Variants in SIGLEC8 observed in about 807,000 individuals in gnomAD.
The protein encoded by SIGLEC8 is sialic acid-binding Ig-like lectin 8.
Under a neutral mutation model 42.1 loss-of-function variants are expected in SIGLEC8, and 32 were observed. The observed-to-expected ratio is 0.76, with a 90% CI of 0.57 to 1.02. SIGLEC8 has a LOEUF of 1.02. Ranked by LOEUF, SIGLEC8 falls within the 50% of genes least tolerant of loss-of-function variation. The pLI is 0.00. For missense variants in SIGLEC8, 611 were observed against 610.2 expected (o/e 1.00, Z -0.01); for synonymous variants, 262 against 260.3 (o/e 1.01, Z -0.06).
chr19:51,452,568 G>A lies in SIGLEC8; in HGVS notation c.1311C>T (p.Pro437=), dbSNP rs745510103. Residue 437 remains proline, a synonymous_variant, in exon 7 of 7, where the codon CCC becomes CCT. Coordinates refer to ENST00000321424, the MANE Select transcript of SIGLEC8 (RefSeq NM_014442.3). ...PLKKPPPAVA[P]SSGEEGELHY... ...GGAGCTCTCCTTCCTCCCCTGACGA[G>A]GGGGCAACAGCTGGGGGAGGCTTCT... The A allele has an allele frequency of 2.5e-6, 4 of 1,586,332 alleles. No individual in the cohort carries two copies. Among genetic ancestry groups the A allele is most frequent in the Non-Finnish European group, 2.6e-6 (3 of 1,159,480 alleles).
intron 6 of SIGLEC8, chr19:51,453,742 T>A (rs1989423555): frequency 1.0e-6 from 1 of 983,372 alleles, no homozygotes; most frequent in Non-Finnish European, 1.2e-6. Flanking sequence ...TAAATTATGA[T>A]ACAACGGGCA....
chr19:51,453,834 G>A (rs967094711), intron 6 of SIGLEC8: 5 of 985,198 alleles, frequency 5.1e-6, no homozygotes, highest in South Asian at 9.4e-5. Flanking sequence ...GGTTAGTGGC[G>A]TAAGGATGAC....
Position 51,451,543 on chromosome 19 carries a change from G to C in SIGLEC8, c.*836C>G, listed in dbSNP as rs999157170. On this transcript the variant is annotated 3_prime_UTR_variant, in exon 7 of 7. Coordinates refer to ENST00000321424, the MANE Select transcript of SIGLEC8 (RefSeq NM_014442.3). ...GGGGTGCCCAGCCTGCTGATTGCTT[G>C]ACTCAGTGCTAGATGAGAGAAGAGA... 2.6e-5 allele frequency: 4 copies of C among 152,094 alleles called. No homozygotes were observed. Among genetic ancestry groups the C allele is most frequent in the Admixed American group, 1.3e-4 (2 of 15,260 alleles). The allele number at this position is 152,094 out of a possible 1,614,324, so 9.4% of individuals were successfully genotyped here. A position where few individuals can be genotyped will look rare whatever the true frequency, so the allele number is the denominator to read the frequency against.
rs778078880 is a variant in SIGLEC8 at position 51,457,495 on chromosome 19, C to A, written c.699G>T (p.Val233=). ...TCQVTLPGTG[V]TTTSTVRLDV... is the part of the protein sequence containing the mutation. ...CGAGGCGGACGGTACTGGTCGTGGT[C>A]ACACCTGTCCCAGGCAAGGTCACCT... Residue 233 remains valine (V), a synonymous_variant, in exon 2 of 7, where the codon GTG becomes GTT. Transcript: ENST00000321424. The A allele has an allele frequency of 6.2e-7, 1 of 1,613,854 alleles. No homozygotes were observed. The highest frequency in any genetic ancestry group is 1.1e-5 in the South Asian group (1 of 91,050).
Position 51,457,115 on chromosome 19 carries a change from G to A in SIGLEC8, c.781+69C>T, listed in dbSNP as rs536146073. On this transcript the variant is annotated intron_variant, in intron 3 of 6. Transcript: ENST00000321424. ...TTTCCCAAAGTGATTCCAGGATGAG[G>A]AGAGACCCAGCCCCATCCTGAGCTG... The A allele has an allele frequency of 9.4e-6, 13 of 1,379,054 alleles. No individual in the cohort carries two copies. The South Asian group carries it at 1.4e-4, about 15-fold the overall frequency. The allele number at this position is 1,379,054 out of a possible 1,614,324, so 85.4% of individuals were successfully genotyped here. A position where few individuals can be genotyped will look rare whatever the true frequency, so the allele number is the denominator to read the frequency against.
In SIGLEC8 at chr19:51,458,334, C is replaced by G. The variant is rs748741030; in HGVS notation, c.54G>C (p.Glu18Asp). ...AACCATCCCCATATTGTCTGTCTCC[C>G]TCCATCCCCTTTGTCCCCCAGAGCA... ...LPLLWGTKGMEGDRQYGDGYL... is the reference protein window; with the variant it reads ...LPLLWGTKGMDGDRQYGDGYL... The change falls in exon 1 of 7, where the codon GAG (glutamate) becomes GAC (aspartate). Residue 18 changes from glutamate to aspartate, a missense_variant. By Grantham distance (45) the Glu-to-Asp change is conservative (BLOSUM62 2). Transcript: ENST00000321424. 8.1e-6 allele frequency: 13 copies of G among 1,614,110 alleles called. No individual in the cohort carries two copies. The highest frequency in any genetic ancestry group is 1.1e-5 in the Non-Finnish European group (13 of 1,179,984).
intron 3 of SIGLEC8, among the ~76,000 whole-genome samples, chr19:51,456,717 G>A (rs1448261352): frequency 6.6e-6 from 1 of 152,180 alleles, no homozygotes; most frequent in Non-Finnish European, 1.5e-5. Context: ...GTTCCGTGGA[G>A]GGGGATGGGC....
chr19:51,456,213 T>TATA (rs368300815), intron 3 of SIGLEC8, among the ~76,000 whole-genome samples: 118 of 150,708 alleles, frequency 7.8e-4, no homozygotes, highest in Middle Eastern at 6.9e-3. Context: ...AAACTTAAAG[T>TATA]ATAATAATAA....
chr19:51,458,285 C>T lies in SIGLEC8; in HGVS notation c.103G>A (p.Val35Met). The T allele has an allele frequency of 2.5e-6, 4 of 1,614,124 alleles. No homozygotes were observed. The highest frequency in any genetic ancestry group is 1.3e-5 in the African/African-American group (1 of 75,028). Residue 35 changes from valine to methionine, a missense_variant, in exon 1 of 7, where the codon GTG (valine) becomes ATG (methionine). Coordinates refer to ENST00000321424, the MANE Select transcript of SIGLEC8 (RefSeq NM_014442.3). Reference sequence around the variant, plus strand: ...ACACACAGGCCCTCCTGCACCGTCACCAGCTCCTGCACTTGCAGCAAGTAA... The same window carrying T: ...ACACACAGGCCCTCCTGCACCGTCATCAGCTCCTGCACTTGCAGCAAGTAA... ...DGYLLQVQEL[V>M]TVQEGLCVHV...
Position 51,457,475 on chromosome 19 carries a change from C to T in SIGLEC8, c.719G>A (p.Arg240His), listed in dbSNP as rs370112420. 87 of 1,613,696 alleles carry T rather than the reference C, an allele frequency of 5.4e-5. 1 individual carries two copies. Among genetic ancestry groups the T allele is most frequent in the Middle Eastern group, 1.8e-4 (1 of 5,714 alleles). Reference sequence around the variant, plus strand: ...CCAGCACTCACAGGACACATCGAGGCGGACGGTACTGGTCGTGGTCACACC... The same window carrying T: ...CCAGCACTCACAGGACACATCGAGGTGGACGGTACTGGTCGTGGTCACACC... ...GTGVTTTSTV[R>H]LDVSYPPWNL... The change falls in exon 2 of 7, where the codon CGC (arginine) becomes CAC (histidine). Residue 240 changes from arginine to histidine, a missense_variant. Physicochemically the swap from Arg to His is conservative, Grantham distance 29 (BLOSUM62 0). Transcript: ENST00000321424.
In SIGLEC8 at chr19:51,454,097, T is replaced by C. The variant is rs1989431394; in HGVS notation, c.1245+122A>G. On this transcript the variant is annotated intron_variant, in intron 6 of 6. Coordinates refer to ENST00000321424, the MANE Select transcript of SIGLEC8 (RefSeq NM_014442.3). The surrounding 1 kb of genome is among the most constrained non-coding windows in gnomAD (Gnocchi z 4.7). The stretch of plus-strand genomic sequence containing the variant: ...TGGGGGAGTCCTGTAGAAGCCGGCC[T>C]GTGGGAAGGAGGAGGAGACGAGGAA... The C allele has an allele frequency of 2.7e-6, 4 of 1,505,430 alleles. No individual in the cohort carries two copies. Among genetic ancestry groups the C allele is most frequent in the Non-Finnish European group, 3.5e-6 (4 of 1,129,214 alleles). The allele number at this position is 1,505,430 out of a possible 1,614,324, so 93.3% of individuals were successfully genotyped here.
In SIGLEC8 at chr19:51,455,516, A is replaced by G; in HGVS notation, c.953T>C (p.Val318Ala). Residue 318 changes from valine to alanine, a missense_variant, in exon 4 of 7, where the codon GTG becomes GCG. Val to Ala is a moderately conservative substitution (Grantham distance 64, BLOSUM62 0). Coordinates refer to ENST00000321424, the MANE Select transcript of SIGLEC8 (RefSeq NM_014442.3). ...GAATTCCCCTTCATCCCTCACGTGCACTCGAGGCAGCTCCAGCAGCCCAGG... is the reference window on the plus strand; with the variant it reads ...GAATTCCCCTTCATCCCTCACGTGCGCTCGAGGCAGCTCCAGCAGCCCAGG... ...SNPGLLELPR[V>A]HVRDEGEFTC... 1.9e-6 allele frequency: 3 copies of G among 1,614,056 alleles called. No individual in the cohort carries two copies. Among genetic ancestry groups the G allele is most frequent in the Non-Finnish European group, 2.5e-6 (3 of 1,179,974 alleles).
chr19:51,457,213 G>A lies in SIGLEC8; in HGVS notation c.752C>T (p.Thr251Ile), dbSNP rs116577749. 9.9e-4 allele frequency: 1,603 copies of A among 1,613,834 alleles called. 16 individuals carry two copies. In the African/African-American group the frequency reaches 0.017, roughly 17 times the overall value. ...GGCATCTCCTTGGAAGACAGTCATGGTCAAGTTCCAAGGAGGGTCTGGGAC... is the reference window on the plus strand; with the variant it reads ...GGCATCTCCTTGGAAGACAGTCATGATCAAGTTCCAAGGAGGGTCTGGGAC... ...LDVSYPPWNL[T>I]MTVFQGDATA... The change falls in exon 3 of 7, where the codon ACC (threonine) becomes ATC (isoleucine). Residue 251 changes from threonine to isoleucine, a missense_variant. Transcript: ENST00000321424.
In SIGLEC8 at chr19:51,457,450, C is replaced by T. The variant is rs1284451962; in HGVS notation, c.733+11G>A. 1.2e-6 allele frequency: 2 copies of T among 1,613,308 alleles called. No individual in the cohort carries two copies. Among genetic ancestry groups the T allele is most frequent in the Non-Finnish European group, 1.7e-6 (2 of 1,179,940 alleles). ...CCATGAGGGACCTGGGCATCTTGGT[C>T]CAGCACTCACAGGACACATCGAGGC... On this transcript the variant is annotated intron_variant, in intron 2 of 6. Coordinates refer to ENST00000321424, the MANE Select transcript of SIGLEC8 (RefSeq NM_014442.3).
rs751266419 is a variant in SIGLEC8 at position 51,457,568 on chromosome 19, A to G, written c.626T>C (p.Leu209Pro). Residue 209 changes from leucine (L) to proline (P), a missense_variant, in exon 2 of 7, where the codon CTC becomes CCC. Physicochemically the swap from Leu to Pro is moderately conservative, Grantham distance 98. Coordinates refer to ENST00000321424, the MANE Select transcript of SIGLEC8 (RefSeq NM_014442.3). ...PGPTTARSSV[L>P]TLTPKPQDHG... is the part of the protein sequence containing the mutation. The stretch of plus-strand genomic sequence containing the variant: ...GTCCTGGGGCTTTGGGGTAAGGGTG[A>G]GCACTGAGGAGCGGGCAGTAGTGGG... 96 of 1,613,704 alleles carry G rather than the reference A, an allele frequency of 5.9e-5. No individual in the cohort carries two copies. The highest frequency in any genetic ancestry group is 8.1e-5 in the Non-Finnish European group (96 of 1,179,916).
chr19:51,454,363 C>T lies in SIGLEC8; in HGVS notation c.1149-48G>A. 2 of 1,611,996 alleles carry T rather than the reference C, an allele frequency of 1.2e-6. No homozygotes were observed. Among genetic ancestry groups the T allele is most frequent in the Non-Finnish European group, 1.7e-6 (2 of 1,179,876 alleles). On this transcript the variant is annotated intron_variant, in intron 5 of 6. Coordinates refer to ENST00000321424, the MANE Select transcript of SIGLEC8 (RefSeq NM_014442.3). The surrounding 1 kb of genome is among the most constrained non-coding windows in gnomAD (Gnocchi z 4.7). ...CTTTCAGTGTGGTCAGATCGGGGTG[C>T]AGTGGGCAGACCAACCCCTGCCCTG...
At position 51,457,180 on chromosome 19, in the gene SIGLEC8, C is replaced by T. The variant is rs778676168; in HGVS notation, c.781+4G>A. The T allele has an allele frequency of 3.1e-6, 5 of 1,613,714 alleles. No homozygotes were observed. The East Asian group carries it at 8.9e-5, about 29-fold the overall frequency. On this transcript the variant is annotated splice_donor_region_variant and intron_variant, in intron 3 of 6. Transcript: ENST00000321424. Reference sequence around the variant, plus strand: ...CCAACCCCAGGGAGGGGGCTCTGTCCTACCTGTGGCATCTCCTTGGAAGAC... The same window carrying T: ...CCAACCCCAGGGAGGGGGCTCTGTCTTACCTGTGGCATCTCCTTGGAAGAC...
intron 6 of SIGLEC8, chr19:51,453,804 C>T (rs887129559): frequency 1.1e-5 from 11 of 985,164 alleles, no homozygotes; most frequent in Non-Finnish European, 1.3e-5. Context: ...GACATGATAC[C>T]TGACCTGGGG....
Position 51,454,368 on chromosome 19 carries a change from G to A in SIGLEC8, c.1149-53C>T, listed in dbSNP as rs1023135489. On this transcript the variant is annotated intron_variant, in intron 5 of 6. Transcript: ENST00000321424. This position sits in a 1 kb window ranked among gnomAD's most constrained non-coding sequence, Gnocchi z 4.7. ...AGTGTGGTCAGATCGGGGTGCAGTG[G>A]GCAGACCAACCCCTGCCCTGTATTT... 9.9e-6 allele frequency: 16 copies of A among 1,611,900 alleles called. No individual in the cohort carries two copies. The Admixed American group carries it at 2.3e-4, about 24-fold the overall frequency.
Sources: allele counts gnomAD v4.1 joint callset (sites outside exome capture counted in the v4.1 genomes callset), GRCh38; gene constraint gnomAD v4.1.1; non-coding constraint Gnocchi (gnomAD v3.1); transcripts MANE v1.5; gene names NCBI Gene and HGNC (gene_info 2026-07-23, HGNC 2026-07-21).